The following TNR variants were observed in gnomAD, a reference collection of about 807,000 sequenced individuals.
The protein encoded by TNR is tenascin-R.
A neutral mutation model predicts 150.4 loss-of-function variants in TNR; 45 were observed. That is an observed-to-expected ratio of 0.30 (90% confidence interval 0.24 to 0.38). The LOEUF is 0.38. TNR is among the 10% of genes least tolerant of loss of function. TNR has a pLI of 1.00. For synonymous variants in TNR, 687 were observed against 678.4 expected, an observed-to-expected ratio of 1.01 and a Z score of -0.20; for missense variants, 1,544 against 1,759.1, an observed-to-expected ratio of 0.88 and a Z score of 2.19.
In TNR at chr1:175,417,049, A is replaced by C. The variant is rs1000981742; in HGVS notation, c.-63-10272T>G. ...AAAGAAAGAAAGAAAGAAAGAAAGA[A>C]AGAAAGAAAGAAAGAAAGAAAGAAA... On this transcript the variant is annotated intron_variant, in intron 2 of 22. Transcript: ENST00000367674. 2.9e-5 allele frequency among the ~76,000 whole-genome samples: 3 copies of C among 104,196 alleles called. No individual in the cohort carries two copies. In the Admixed American group the frequency reaches 3.0e-4, roughly 11 times the overall value. The allele number at this position is 104,196 out of a possible 152,430, so 68.4% of individuals were successfully genotyped here. A position where few individuals can be genotyped will look rare whatever the true frequency, so the allele number is the denominator to read the frequency against.
chr1:175,341,123 G>T (rs1417708529), intron 18 of TNR, among the ~76,000 whole-genome samples: 1 of 152,092 alleles, frequency 6.6e-6, no homozygotes, highest in African/African-American at 2.4e-5. Flanking sequence ...GAACGTACTG[G>T]GGCTTTATAC....
chr1:175,445,232 T>C (rs1655988937), intron 2 of TNR, among the ~76,000 whole-genome samples: 1 of 152,064 alleles, frequency 6.6e-6, no homozygotes, highest in Non-Finnish European at 1.5e-5. Context: ...ATCGCACCAC[T>C]TCATTCCAGC....
At chr1:175,434,983 CT>C (rs1478044567) in intron 2 of TNR, among the ~76,000 whole-genome samples, 1 of 152,196 alleles carries the variant, frequency 6.6e-6, no homozygotes, top group Non-Finnish European at 1.5e-5. Context: ...TGTCATTGCA[CT>C]TTTACGTTGC....
intron 2 of TNR, among the ~76,000 whole-genome samples, chr1:175,472,325 G>A (rs1425466354): frequency 2.0e-5 from 3 of 152,110 alleles, no homozygotes; most frequent in African/African-American, 4.8e-5. Flanking sequence ...TGAAGGACCG[G>A]CCTGAGGCTG....
intron 1 of TNR, among the ~76,000 whole-genome samples, chr1:175,596,676 C>G (rs377608614): frequency 6.6e-6 from 1 of 152,198 alleles, no homozygotes; most frequent in Admixed American, 6.5e-5. Context: ...TTCAGCAACA[C>G]TTGAATGGTG....
At chr1:175,344,029 T>A (rs1650652056) in intron 18 of TNR, among the ~76,000 whole-genome samples, 3 of 152,172 alleles carry the variant, frequency 2.0e-5, no homozygotes, top group African/African-American at 7.2e-5. Flanking sequence ...AGGGATTTAT[T>A]AAAGCAAGAA....
At chr1:175,557,535 A>G (rs1264035743) in intron 1 of TNR, among the ~76,000 whole-genome samples, 1 of 152,144 alleles carries the variant, frequency 6.6e-6, no homozygotes, top group Non-Finnish European at 1.5e-5. Context: ...CTCAACTTGA[A>G]CTTTGATAGC....
intron 9 of TNR, among the ~76,000 whole-genome samples, chr1:175,377,239 A>G (rs1652432614): frequency 6.6e-6 from 1 of 152,214 alleles, no homozygotes; most frequent in South Asian, 2.1e-4. Flanking sequence ...TTCCTGGAAT[A>G]AGAGAGATGA....
chr1:175,352,314 C>A (rs1358105640), intron 18 of TNR, among the ~76,000 whole-genome samples: 1 of 152,196 alleles, frequency 6.6e-6, no homozygotes, highest in Non-Finnish European at 1.5e-5. Flanking sequence ...CTACACTGAG[C>A]AAACATTGAA....
chr1:175,705,602 T>C (rs1308709172), intron 1 of TNR, among the ~76,000 whole-genome samples: 1 of 152,112 alleles, frequency 6.6e-6, no homozygotes, highest in Non-Finnish European at 1.5e-5. Flanking sequence ...TATGTGTGTG[T>C]GTGCGTGCGT....
At chr1:175,568,108 T>A (rs1316913221) in intron 1 of TNR, among the ~76,000 whole-genome samples, 1 of 152,220 alleles carries the variant, frequency 6.6e-6, no homozygotes, top group Non-Finnish European at 1.5e-5. Flanking sequence ...ACAGATCATC[T>A]CAAGCCCAAG....
intron 1 of TNR, among the ~76,000 whole-genome samples, chr1:175,731,066 A>T (rs1667625459): frequency 6.6e-6 from 1 of 152,180 alleles, no homozygotes; most frequent in Admixed American, 6.5e-5. Context: ...TAATAAGAGG[A>T]CCTGAGAGGC....
chr1:175,324,659 GTGC>G (rs1484278382), intron 21 of TNR, 140 bp from the exon 22 acceptor site: 2 of 991,962 alleles, frequency 2.0e-6, no homozygotes, highest in Non-Finnish European at 3.0e-6. Flanking sequence ...CAGAGTGGCT[GTGC>G]TGAACTCTTA....
intron 1 of TNR, among the ~76,000 whole-genome samples, chr1:175,722,356 G>T (rs774630212): frequency 2.0e-5 from 3 of 152,172 alleles, no homozygotes; most frequent in Non-Finnish European, 2.9e-5. Flanking sequence ...TGCTGACAGG[G>T]AAAGGGTTTA....
At chr1:175,689,352 T>C (rs951189079) in intron 1 of TNR, among the ~76,000 whole-genome samples, 1 of 151,348 alleles carries the variant, frequency 6.6e-6, no homozygotes, top group African/African-American at 2.4e-5. Context: ...CATGACCGAA[T>C]ACCTTAATCT....
At chr1:175,549,457 T>C (rs567160857) in intron 1 of TNR, among the ~76,000 whole-genome samples, 1 of 152,212 alleles carries the variant, frequency 6.6e-6, no homozygotes, top group Non-Finnish European at 1.5e-5. Context: ...AATCTTAAGA[T>C]AGCCTGCAAG....
intron 14 of TNR, among the ~76,000 whole-genome samples, chr1:175,362,265 A>C (rs1254159345): frequency 6.6e-6 from 1 of 152,100 alleles, no homozygotes; most frequent in Non-Finnish European, 1.5e-5. Flanking sequence ...TCTGATGATG[A>C]ATTTCATGAC....
intron 2 of TNR, among the ~76,000 whole-genome samples, chr1:175,509,547 C>T (rs859379): frequency 0.63 from 95,289 of 151,986 alleles, 30,556 homozygotes; most frequent in African/African-American, 0.76. Flanking sequence ...CTGACCCTCA[C>T]TTTCCAGAGT....
chr1:175,507,780 G>A (rs1659019851), intron 2 of TNR, among the ~76,000 whole-genome samples: 1 of 152,162 alleles, frequency 6.6e-6, no homozygotes, highest in Non-Finnish European at 1.5e-5. Context: ...CCTCCAACAT[G>A]TTTTCATGTC....
Sources: gnomAD v4.1 joint callset for allele counts (sites outside exome capture counted in the v4.1 genomes callset) on GRCh38, gnomAD v4.1.1 for gene constraint, MANE v1.5 for transcripts, NCBI Gene and HGNC (gene_info 2026-07-23, HGNC 2026-07-21) for gene names.